SOX6: variants seen among roughly 807,000 people sequenced by gnomAD.
The protein encoded by SOX6 is transcription factor SOX-6.
Under a neutral mutation model 97.8 loss-of-function variants are expected in SOX6, and 11 were observed. The observed-to-expected ratio is 0.11, with a 90% CI of 0.07 to 0.19. The LOEUF (loss-of-function observed/expected upper bound fraction) is 0.19, where lower values mean the gene tolerates loss of function less well. SOX6 is among the 10% of genes least tolerant of loss of function. The pLI, the probability that SOX6 is intolerant of heterozygous loss-of-function variation, is 1.00. For synonymous variants in SOX6, 360 were observed against 371.4 expected (o/e 0.97, Z 0.35); for missense variants, 810 against 1,039.5 (o/e 0.78, Z 3.04).
chr11:16,076,985 C>A (rs1047116614), intron 9 of SOX6, among the ~76,000 whole-genome samples: 30 of 151,494 alleles, frequency 2.0e-4, no homozygotes, highest in Non-Finnish European at 3.4e-4. Context: ...GATCTCCTGA[C>A]CTCATGATCC....
chr11:16,656,356 A>G (rs1355190826), intron 3 of SOX6, among the ~76,000 whole-genome samples: 1 of 152,146 alleles, frequency 6.6e-6, no homozygotes, highest in East Asian at 1.9e-4. Flanking sequence ...GATTACAGGC[A>G]TGAGCCACCG....
At chr11:16,619,834 C>T (rs780180565) in intron 3 of SOX6, among the ~76,000 whole-genome samples, 16 of 152,092 alleles carry the variant, frequency 1.1e-4, no homozygotes, top group Middle Eastern at 3.4e-3. Context: ...TCAACATTCA[C>T]CACCCATGGG....
At chr11:16,499,874 T>C (rs1486220515) in intron 4 of SOX6, among the ~76,000 whole-genome samples, 3 of 152,146 alleles carry the variant, frequency 2.0e-5, no homozygotes. Flanking sequence ...CGAATTCTAC[T>C]AGAGGTACAA....
intron 13 of SOX6, among the ~76,000 whole-genome samples, chr11:15,990,740 C>T (rs574573300): frequency 6.6e-6 from 1 of 152,274 alleles, no homozygotes; most frequent in Non-Finnish European, 1.5e-5. Context: ...TCAGACAAGG[C>T]TTCTACCGCA....
At chr11:16,376,038 G>A (rs910176784) in intron 1 of SOX6, among the ~76,000 whole-genome samples, 1 of 152,048 alleles carries the variant, frequency 6.6e-6, no homozygotes, top group Non-Finnish European at 1.5e-5. Flanking sequence ...GGGAGTTGGG[G>A]GCTAGGGGAG....
At chr11:16,681,637 CA>C (rs945610816) in intron 3 of SOX6, among the ~76,000 whole-genome samples, 1 of 151,764 alleles carries the variant, frequency 6.6e-6, no homozygotes, top group Admixed American at 6.6e-5. Context: ...GATAGAGACA[CA>C]AAAAAACCTT....
At chr11:16,522,057 C>A (rs1024705362) in intron 4 of SOX6, among the ~76,000 whole-genome samples, 2 of 152,188 alleles carry the variant, frequency 1.3e-5, no homozygotes, top group African/African-American at 4.8e-5. Flanking sequence ...AAACACTCTG[C>A]AGGATATTAT....
At chr11:16,060,848 T>C (rs1590167978) in intron 9 of SOX6, among the ~76,000 whole-genome samples, 1 of 152,014 alleles carries the variant, frequency 6.6e-6, no homozygotes, top group Non-Finnish European at 1.5e-5. Flanking sequence ...TGTGTAATTA[T>C]GCACATGTAT....
chr11:16,607,216 G>C lies in SOX6; in HGVS notation n.609+4865C>G, dbSNP rs895008239. 1 of 152,744 alleles carries C rather than the reference G, an allele frequency of 6.5e-6. No homozygotes were observed. The highest frequency in any genetic ancestry group is 6.5e-5 in the Admixed American group (1 of 15,294). The allele number at this position is 152,744 out of a possible 1,614,324, so 9.5% of individuals were successfully genotyped here. Reference sequence around the variant, plus strand: ...GAAGGGCAGGAGCGGAAGACGCCGGGGGACGGCGGCCCGGCCCTGGGCTCC... The same window carrying C: ...GAAGGGCAGGAGCGGAAGACGCCGGCGGACGGCGGCCCGGCCCTGGGCTCC... On this transcript the variant is annotated intron_variant and non_coding_transcript_variant, in intron 4 of 5. Transcript: ENST00000524520. This position sits in a 1 kb window ranked among gnomAD's most constrained non-coding sequence, Gnocchi z 6.5.
chr11:16,211,996 T>C (rs374690257), intron 4 of SOX6, among the ~76,000 whole-genome samples: 59 of 152,260 alleles, frequency 3.9e-4, no homozygotes, highest in African/African-American at 1.4e-3. Context: ...TTAGACATAT[T>C]AAAAGTTTAC....
At chr11:15,984,008 A>G (rs1301156730) in intron 15 of SOX6, among the ~76,000 whole-genome samples, 1 of 152,154 alleles carries the variant, frequency 6.6e-6, no homozygotes, top group Admixed American at 6.5e-5. Flanking sequence ...ACAGTTCCTC[A>G]GTCATTTGGC....
At chr11:16,205,018 TATC>T (rs1437077127) in intron 4 of SOX6, among the ~76,000 whole-genome samples, 28 of 152,158 alleles carry the variant, frequency 1.8e-4, no homozygotes, top group Non-Finnish European at 3.8e-4. Flanking sequence ...TGATTTTCGT[TATC>T]ATTTTCCTCA....
intron 3 of SOX6, among the ~76,000 whole-genome samples, chr11:16,266,356 T>A (rs1256923737): frequency 6.6e-6 from 1 of 151,398 alleles, no homozygotes; most frequent in Non-Finnish European, 1.5e-5. Context: ...AAAGATGAAA[T>A]AAAAAATTTT....
chr11:16,314,833 A>G (rs1485597722), intron 3 of SOX6: 1 of 152,192 alleles, frequency 6.6e-6, no homozygotes, highest in Non-Finnish European at 1.5e-5. Context: ...CTATTTCAAA[A>G]TTATTATACT....
intron 4 of SOX6, among the ~76,000 whole-genome samples, chr11:16,611,144 A>G (rs1382067975): frequency 6.6e-6 from 1 of 152,262 alleles, no homozygotes; most frequent in Non-Finnish European, 1.5e-5. Context: ...CCTCCAGAGA[A>G]GAGGCGCGAA....
intron 6 of SOX6, among the ~76,000 whole-genome samples, chr11:16,158,364 T>C (rs1423705017): frequency 6.6e-6 from 1 of 151,996 alleles, no homozygotes; most frequent in African/African-American, 2.4e-5. Context: ...AGGTACAACT[T>C]GTTCTCTTCT....
intron 2 of SOX6, among the ~76,000 whole-genome samples, chr11:16,733,905 T>C (rs867542202): frequency 1.3e-5 from 2 of 151,110 alleles, no homozygotes; most frequent in Non-Finnish European, 2.9e-5. Context: ...CAGGCACCTG[T>C]AGTCCCAGCT....
chr11:15,995,949 C>T lies in SOX6; in HGVS notation c.1733-6719G>A, dbSNP rs187170868. Among the ~76,000 whole-genome samples the T allele has an allele frequency of 8.0e-3, 1,212 of 152,162 alleles. 5 individuals carry two copies. Among genetic ancestry groups the T allele is most frequent in the Middle Eastern group, 0.017 (5 of 294 alleles). On this transcript the variant is annotated intron_variant, in intron 13 of 15. Coordinates refer to ENST00000683767, the MANE Select transcript of SOX6 (RefSeq NM_001367873.1). Reference sequence around the variant, plus strand: ...AAAGCATGAGTTACCAGCAGACAAACACCAAAAGAGATATTCAAGGAAATT... The same window carrying T: ...AAAGCATGAGTTACCAGCAGACAAATACCAAAAGAGATATTCAAGGAAATT...
intron 3 of SOX6, among the ~76,000 whole-genome samples, chr11:16,273,846 A>T (rs1052730236): frequency 3.3e-5 from 5 of 152,066 alleles, no homozygotes; most frequent in African/African-American, 1.2e-4. Flanking sequence ...GAAAAAGTGA[A>T]AAAAAGTCAG....
Sources: gnomAD v4.1 joint callset for allele counts (sites outside exome capture counted in the v4.1 genomes callset) on GRCh38, gnomAD v4.1.1 for gene constraint, Gnocchi (gnomAD v3.1) non-coding constraint, MANE v1.5 for transcripts, NCBI Gene and HGNC (gene_info 2026-07-23, HGNC 2026-07-21) for gene names.